The following TMEM132D variants were observed in gnomAD, a reference collection of about 807,000 sequenced individuals.
TMEM132D encodes transmembrane protein 132D.
Under a neutral mutation model 62.3 loss-of-function variants are expected in TMEM132D, and 21 were observed. The ratio of observed to expected loss-of-function variants is 0.34; its 90% CI spans 0.24 to 0.49. The LOEUF is 0.49. TMEM132D is among the 20% of genes least tolerant of loss of function. TMEM132D has a pLI of 0.99. For synonymous variants in TMEM132D, 621 were observed against 575.6 expected (o/e 1.08, Z -1.13); for missense variants, 1,346 against 1,402.8 (o/e 0.96, Z 0.65).
At position 129,903,632 on chromosome 12, in the gene TMEM132D, G is replaced by T. The variant is rs566578378; in HGVS notation, c.-293C>A. Reference sequence around the variant, plus strand: ...TTTTTTAAATTTTAATCCACAGGGGGTATTTCCTTTCCTGTTTACCCGAGC... The same window carrying T: ...TTTTTTAAATTTTAATCCACAGGGGTTATTTCCTTTCCTGTTTACCCGAGC... On this transcript the variant is annotated 5_prime_UTR_variant, in exon 1 of 9. Coordinates refer to ENST00000422113, the MANE Select transcript of TMEM132D (RefSeq NM_133448.3). This position sits in a 1 kb window ranked among gnomAD's most constrained non-coding sequence, Gnocchi z 6.2. 632 of 398,102 alleles carry T rather than the reference G, an allele frequency of 1.6e-3. 14 individuals carry two copies. In the South Asian group the frequency reaches 0.026, roughly 16 times the overall value. 24.7% of individuals were successfully genotyped at this position (398,102 alleles called of 1,614,324 possible).
intron 2 of TMEM132D, among the ~76,000 whole-genome samples, chr12:129,578,942 T>C (rs949276090): frequency 6.6e-6 from 1 of 152,176 alleles, no homozygotes; most frequent in Non-Finnish European, 1.5e-5. Flanking sequence ...CACCTAGAAA[T>C]AATATTTAAC....
intron 5 of TMEM132D, among the ~76,000 whole-genome samples, chr12:129,202,244 T>G (rs995079361): frequency 1.3e-5 from 2 of 152,222 alleles, no homozygotes; most frequent in African/African-American, 4.8e-5. Context: ...GCTCAGAGGC[T>G]TTCCAGGGGC....
intron 1 of TMEM132D, among the ~76,000 whole-genome samples, chr12:129,823,096 ATC>A (rs1872578941): frequency 6.6e-6 from 1 of 152,200 alleles, no homozygotes; most frequent in Non-Finnish European, 1.5e-5. Context: ...CACCTCGCAC[ATC>A]TCTTTCTTGT....
chr12:129,715,768 C>T (rs1219432687), intron 1 of TMEM132D, among the ~76,000 whole-genome samples: 1 of 152,176 alleles, frequency 6.6e-6, no homozygotes, highest in Non-Finnish European at 1.5e-5. Context: ...CATGATTTTA[C>T]CTTTTTGTGA....
At chr12:129,203,045 G>A (rs930346383) in intron 5 of TMEM132D, among the ~76,000 whole-genome samples, 3 of 152,150 alleles carry the variant, frequency 2.0e-5, no homozygotes, top group African/African-American at 7.2e-5. Context: ...TGGCCCAAAG[G>A]TTTCTCCATG....
intron 2 of TMEM132D, among the ~76,000 whole-genome samples, chr12:129,634,786 A>AT (rs986752963): frequency 6.6e-6 from 1 of 152,086 alleles, no homozygotes; most frequent in African/African-American, 2.4e-5. Flanking sequence ...CTCTGCACTA[A>AT]TTTTTTTAAA....
At chr12:129,169,543 T>G (rs1002607243) in intron 5 of TMEM132D, among the ~76,000 whole-genome samples, 7 of 152,246 alleles carry the variant, frequency 4.6e-5, no homozygotes, top group Admixed American at 1.3e-4. Flanking sequence ...TATTAACCAC[T>G]TTTACTTGGT....
chr12:129,357,190 T>G (rs1593349642), intron 3 of TMEM132D, among the ~76,000 whole-genome samples: 1 of 143,812 alleles, frequency 7.0e-6, no homozygotes, highest in Non-Finnish European at 1.5e-5. Flanking sequence ...GAGCTTGCAG[T>G]GAGCTGAGAT....
At chr12:129,762,085 A>G (rs928193109) in intron 1 of TMEM132D, among the ~76,000 whole-genome samples, 1 of 152,254 alleles carries the variant, frequency 6.6e-6, no homozygotes, top group South Asian at 2.1e-4. Flanking sequence ...AGAAAAGGGA[A>G]CCTGGGGCTC....
intron 4 of TMEM132D, among the ~76,000 whole-genome samples, chr12:129,289,547 T>TAAAAAAAAAAAAAAAAAAA (rs59709658): frequency 2.2e-5 from 2 of 92,188 alleles, no homozygotes; most frequent in East Asian, 3.0e-4. Context: ...TCCATCTCAA[T>TAAAAAAAAAAAAAAAAAAA]AAAAAAAAAA....
chr12:129,732,442 C>T (rs969889744), intron 1 of TMEM132D, among the ~76,000 whole-genome samples: 1 of 152,142 alleles, frequency 6.6e-6, no homozygotes, highest in Non-Finnish European at 1.5e-5. Flanking sequence ...GGAGGTATGA[C>T]CTGGTGAGAG....
chr12:129,256,166 G>A (rs796787565), intron 4 of TMEM132D, among the ~76,000 whole-genome samples: 2 of 152,268 alleles, frequency 1.3e-5, no homozygotes, highest in African/African-American at 4.8e-5. Context: ...TGCAACCTCC[G>A]CCTCTGGGGT....
chr12:129,248,931 T>C (rs1259935340), intron 4 of TMEM132D, among the ~76,000 whole-genome samples: 24 of 152,356 alleles, frequency 1.6e-4, no homozygotes, highest in Non-Finnish European at 3.2e-4. Flanking sequence ...CCACTTTATA[T>C]ACTCAAAGGA....
chr12:129,477,906 T>G (rs1400202378), intron 3 of TMEM132D, among the ~76,000 whole-genome samples: 1 of 152,104 alleles, frequency 6.6e-6, no homozygotes, highest in Non-Finnish European at 1.5e-5. Context: ...TCATGTGTTG[T>G]TTAATGACGG....
intron 5 of TMEM132D, among the ~76,000 whole-genome samples, chr12:129,201,287 A>T (rs538493063): frequency 1.3e-5 from 2 of 152,336 alleles, no homozygotes; most frequent in Admixed American, 1.3e-4. Context: ...TAGTGTGTGC[A>T]GTGTGGCTGG....
At chr12:129,440,102 T>C (rs747412132) in intron 3 of TMEM132D, among the ~76,000 whole-genome samples, 11 of 152,210 alleles carry the variant, frequency 7.2e-5, no homozygotes, top group Non-Finnish European at 1.2e-4. Context: ...TCTGTTGTCA[T>C]GAGCCTCCGT....
At chr12:129,308,817 A>T (rs971289168) in intron 4 of TMEM132D, among the ~76,000 whole-genome samples, 5 of 152,228 alleles carry the variant, frequency 3.3e-5, no homozygotes. Context: ...TTGATGGAAT[A>T]AAAATGTCCT....
intron 3 of TMEM132D, among the ~76,000 whole-genome samples, chr12:129,493,199 CA>C (rs1354020324): frequency 2.0e-5 from 3 of 152,214 alleles, no homozygotes; most frequent in South Asian, 2.1e-4. Context: ...CCAAAGAATC[CA>C]AAAATTAATC....
chr12:129,324,733 G>C (rs559057068), intron 4 of TMEM132D, among the ~76,000 whole-genome samples: 1 of 152,234 alleles, frequency 6.6e-6, no homozygotes, highest in Admixed American at 6.5e-5. Context: ...AGGAGGCTGA[G>C]GCAGGGATTG....
Sources: gnomAD v4.1 joint callset for allele counts (sites outside exome capture counted in the v4.1 genomes callset) on GRCh38, gnomAD v4.1.1 for gene constraint, Gnocchi (gnomAD v3.1) non-coding constraint, MANE v1.5 for transcripts, NCBI Gene and HGNC (gene_info 2026-07-23, HGNC 2026-07-21) for gene names.